The following SAMMSON variants were observed in gnomAD, a reference collection of about 807,000 sequenced individuals.
SAMMSON encodes survival associated mitochondrial melanoma specific oncogenic non-coding RNA.
At chr3:70,308,682 T>C (rs1001698281) in intron 7 of SAMMSON, among the ~76,000 whole-genome samples, 1 of 152,176 alleles carries the variant, frequency 6.6e-6, no homozygotes, top group Non-Finnish European at 1.5e-5. Context: ...TTTTTTGTAT[T>C]GTTCTCTGCC....
intron 4 of SAMMSON, among the ~76,000 whole-genome samples, chr3:70,135,659 G>T (rs1258766816): frequency 6.6e-6 from 1 of 152,084 alleles, no homozygotes; most frequent in Non-Finnish European, 1.5e-5. Flanking sequence ...GACACCCACG[G>T]TTAATATCAG....
At chr3:70,133,767 T>C (rs1402040097) in intron 4 of SAMMSON, among the ~76,000 whole-genome samples, 1 of 151,992 alleles carries the variant, frequency 6.6e-6, no homozygotes, top group Non-Finnish European at 1.5e-5. Context: ...ACTGAGGGAG[T>C]GTGAGTAAAG....
At chr3:70,054,552 A>C (rs944052578) in intron 3 of SAMMSON, among the ~76,000 whole-genome samples, 4 of 152,072 alleles carry the variant, frequency 2.6e-5, no homozygotes, top group African/African-American at 9.7e-5. Context: ...ATTCTTTTCT[A>C]TCTGTGACTT....
chr3:70,367,773 C>T (rs1445150285), intron 9 of SAMMSON, among the ~76,000 whole-genome samples: 5 of 151,490 alleles, frequency 3.3e-5, no homozygotes, highest in Non-Finnish European at 7.4e-5. Flanking sequence ...CAAGATAGTT[C>T]TATTTTTAGA....
rs553867941 is a variant in SAMMSON, at chr3:70,211,593, C to T, written n.508-37514C>T. Among the ~76,000 whole-genome samples, 455 of 117,438 alleles carry T rather than the reference C, an allele frequency of 3.9e-3. 12 individuals carry two copies. The highest frequency in any genetic ancestry group is 0.014 in the African/African-American group (429 of 30,344). The allele number at this position is 117,438 out of a possible 152,430, so 77.0% of individuals were successfully genotyped here. On this transcript the variant is annotated intron_variant and non_coding_transcript_variant, in intron 4 of 9. Transcript: ENST00000642114. ...CCTTCCCTTCCCTTCCTTTCCCTTC[C>T]CTTCCCTTTGCCTTTCCCTTCCCTT...
chr3:70,142,676 T>C (rs1011137986), intron 4 of SAMMSON, among the ~76,000 whole-genome samples: 1 of 152,222 alleles, frequency 6.6e-6, no homozygotes, highest in East Asian at 1.9e-4. Flanking sequence ...AGTTCCCCAA[T>C]AACCTATGGA....
At chr3:70,213,556 G>A (rs575540053) in intron 4 of SAMMSON, among the ~76,000 whole-genome samples, 3 of 152,104 alleles carry the variant, frequency 2.0e-5, no homozygotes, top group Non-Finnish European at 4.4e-5. Flanking sequence ...GCAGACAAGT[G>A]ACATTTCAAG....
At chr3:70,335,208 C>T (rs1253423522) in intron 7 of SAMMSON, among the ~76,000 whole-genome samples, 2 of 152,044 alleles carry the variant, frequency 1.3e-5, no homozygotes, top group African/African-American at 2.4e-5. Context: ...TATTTCATCT[C>T]CAAACGCATT....
chr3:70,010,725 A>G (rs907085069), intron 1 of SAMMSON, among the ~76,000 whole-genome samples: 1 of 152,082 alleles, frequency 6.6e-6, no homozygotes, highest in Non-Finnish European at 1.5e-5. Flanking sequence ...TGGGTAATTT[A>G]TAAAGGAAAG....
At chr3:70,200,697 G>T (rs959414556) in intron 4 of SAMMSON, among the ~76,000 whole-genome samples, 1 of 152,156 alleles carries the variant, frequency 6.6e-6, no homozygotes, top group African/African-American at 2.4e-5. Context: ...GTTGCAAGAG[G>T]CAAGAAAGCC....
chr3:70,225,026 G>T (rs73117911), intron 4 of SAMMSON, among the ~76,000 whole-genome samples: 5,568 of 152,254 alleles, frequency 0.037, 132 homozygotes, highest in Middle Eastern at 0.062. Context: ...GACAATGGAG[G>T]TTAAAACTGT....
At chr3:70,106,302 G>A (rs1451849055) in intron 4 of SAMMSON, among the ~76,000 whole-genome samples, 1 of 150,584 alleles carries the variant, frequency 6.6e-6, no homozygotes, top group Non-Finnish European at 1.5e-5. Flanking sequence ...TAAAATGCAG[G>A]CCTAATCCCA....
At chr3:70,160,353 TCCTCCCTC>T (rs572911460) in intron 4 of SAMMSON, among the ~76,000 whole-genome samples, 6 of 151,400 alleles carry the variant, frequency 4.0e-5, no homozygotes, top group African/African-American at 1.5e-4. Context: ...TTCCTTCCCT[TCCTCCCTC>T]CCTCCCTCCC....
intron 4 of SAMMSON, among the ~76,000 whole-genome samples, chr3:70,115,533 T>G (rs972019919): frequency 3.3e-5 from 5 of 152,160 alleles, no homozygotes; most frequent in African/African-American, 1.2e-4. Context: ...ACATCTTGTT[T>G]AGAGAGTCAG....
chr3:70,051,855 T>C (rs960000754), intron 3 of SAMMSON, among the ~76,000 whole-genome samples: 1 of 152,108 alleles, frequency 6.6e-6, no homozygotes, highest in Non-Finnish European at 1.5e-5. Flanking sequence ...CCCAGCACTT[T>C]GGAAGGCTAA....
At chr3:70,372,500 A>G (rs746404278) in intron 9 of SAMMSON, among the ~76,000 whole-genome samples, 8 of 151,988 alleles carry the variant, frequency 5.3e-5, no homozygotes, top group Non-Finnish European at 1.0e-4. Context: ...GGGTTTCACC[A>G]TGCTGGCCAG....
At chr3:70,203,654 G>T (rs935957691) in intron 4 of SAMMSON, among the ~76,000 whole-genome samples, 8 of 152,238 alleles carry the variant, frequency 5.3e-5, no homozygotes, top group African/African-American at 1.9e-4. Flanking sequence ...AATTTACAGT[G>T]TAGAAAATGT....
At chr3:70,010,917 T>G (rs1284052896) in intron 1 of SAMMSON, among the ~76,000 whole-genome samples, 1 of 152,010 alleles carries the variant, frequency 6.6e-6, no homozygotes, top group Non-Finnish European at 1.5e-5. Context: ...CTGACTATCG[T>G]GAGAACAGCA....
chr3:70,044,265 C>T (rs1226492391), intron 3 of SAMMSON, among the ~76,000 whole-genome samples: 1 of 151,970 alleles, frequency 6.6e-6, no homozygotes, highest in African/African-American at 2.4e-5. Flanking sequence ...GCAAAATGGC[C>T]TCTTGTCACT....
Sources: allele counts gnomAD v4.1 joint callset (sites outside exome capture counted in the v4.1 genomes callset), GRCh38; gene constraint gnomAD v4.1.1; transcripts MANE v1.5; gene names NCBI Gene and HGNC (gene_info 2026-07-23, HGNC 2026-07-21).